Variants in CDKAL1 observed in about 807,000 individuals in gnomAD.
CDKAL1 encodes CDKAL1 threonylcarbamoyladenosine tRNA methylthiotransferase, also known as threonylcarbamoyladenosine tRNA methylthiotransferase.
Under a neutral mutation model 68.2 loss-of-function variants are expected in CDKAL1, and 32 were observed. The observed-to-expected ratio is 0.47, with a 90% CI of 0.35 to 0.63. The LOEUF (loss-of-function observed/expected upper bound fraction) is 0.63, where lower values mean the gene tolerates loss of function less well. CDKAL1 is among the 30% of genes least tolerant of loss of function. The pLI is 0.00. For missense variants in CDKAL1, 606 were observed against 696.7 expected, an observed-to-expected ratio of 0.87 and a Z score of 1.47; for synonymous variants, 234 against 244.3, an observed-to-expected ratio of 0.96 and a Z score of 0.39.
intron 5 of CDKAL1, among the ~76,000 whole-genome samples, chr6:20,677,518 A>C (rs553430440): frequency 6.6e-6 from 1 of 152,152 alleles, no homozygotes; most frequent in South Asian, 2.1e-4. Context: ...TCCCAGGTTC[A>C]AGCGATTCTC....
intron 10 of CDKAL1, among the ~76,000 whole-genome samples, chr6:20,984,421 C>T (rs1424331243): frequency 1.3e-5 from 2 of 152,058 alleles, no homozygotes; most frequent in Non-Finnish European, 2.9e-5. Flanking sequence ...AGGGAGGTGC[C>T]CGAGACCCCT....
chr6:20,892,262 A>G (rs1048549673), intron 9 of CDKAL1, among the ~76,000 whole-genome samples: 1 of 152,184 alleles, frequency 6.6e-6, no homozygotes, highest in Non-Finnish European at 1.5e-5. Context: ...GAGAGACTGA[A>G]GTGGGGACTC....
At chr6:21,185,630 C>T (rs995690607) in intron 13 of CDKAL1, among the ~76,000 whole-genome samples, 7 of 152,086 alleles carry the variant, frequency 4.6e-5, no homozygotes, top group African/African-American at 7.2e-5. Context: ...GATGTGTCTA[C>T]GTATCTATGT....
At chr6:20,999,663 T>TAAAAAAAAAAAAAA (rs36078234) in intron 10 of CDKAL1, among the ~76,000 whole-genome samples, 22 of 93,368 alleles carry the variant, frequency 2.4e-4, no homozygotes, top group South Asian at 1.2e-3. Context: ...TGACTGAAAT[T>TAAAAAAAAAAAAAA]AAAAAAAAAA....
intron 15 of CDKAL1, among the ~76,000 whole-genome samples, chr6:21,216,897 G>A (rs1000710938): frequency 5.9e-5 from 9 of 152,144 alleles, no homozygotes; most frequent in Non-Finnish European, 1.3e-4. Context: ...ACCTAGGAGT[G>A]GCATTGCTGG....
chr6:21,065,416 A>G (rs894731173), intron 12 of CDKAL1, among the ~76,000 whole-genome samples, 188 bp downstream of exon 12: 2 of 152,100 alleles, frequency 1.3e-5, no homozygotes, highest in African/African-American at 4.8e-5. Context: ...ACTAAAATAT[A>G]ATCACCTTTT....
rs910793149 is a variant in CDKAL1 at position 21,210,604 on chromosome 6, G to A, written c.1548+9330G>A. ...TTTATGGCATTTTGTTACAGTCACC[G>A]AAACGAACTAAGACAGTATGTACAT... On this transcript the variant is annotated intron_variant, in intron 15 of 15. Coordinates refer to ENST00000274695, the MANE Select transcript of CDKAL1 (RefSeq NM_017774.3). 3.9e-5 allele frequency among the ~76,000 whole-genome samples: 6 copies of A among 152,270 alleles called. No individual in the cohort carries two copies. In the East Asian group the frequency reaches 5.8e-4, roughly 15 times the overall value.
intron 13 of CDKAL1, among the ~76,000 whole-genome samples, chr6:21,141,545 T>C (rs1775909412): frequency 6.6e-6 from 1 of 152,230 alleles, no homozygotes; most frequent in Non-Finnish European, 1.5e-5. Flanking sequence ...AATTTTTGAA[T>C]GAATGACTCA....
chr6:21,141,340 T>G (rs1775899650), intron 13 of CDKAL1, among the ~76,000 whole-genome samples: 1 of 152,224 alleles, frequency 6.6e-6, no homozygotes, highest in Non-Finnish European at 1.5e-5. Context: ...CCTTTGCTTC[T>G]TACAAACCCA....
At chr6:20,931,402 G>T (rs1295366952) in intron 9 of CDKAL1, among the ~76,000 whole-genome samples, 1 of 152,204 alleles carries the variant, frequency 6.6e-6, no homozygotes, top group East Asian at 1.9e-4. Flanking sequence ...AGACATAGGA[G>T]ATATTAATGT....
chr6:20,862,169 A>T (rs1284205589), intron 9 of CDKAL1, among the ~76,000 whole-genome samples: 1 of 152,252 alleles, frequency 6.6e-6, no homozygotes, highest in Non-Finnish European at 1.5e-5. Flanking sequence ...AATTACTGGC[A>T]TATCACCAGG....
chr6:21,157,301 T>G (rs1465263085), intron 13 of CDKAL1, among the ~76,000 whole-genome samples: 1 of 152,208 alleles, frequency 6.6e-6, no homozygotes, highest in African/African-American at 2.4e-5. Context: ...TACTTATTGT[T>G]CTCAAGATTG....
Position 21,109,815 on chromosome 6 carries a change from TAAC to T in CDKAL1, c.1299+1364_1299+1366del, listed in dbSNP as rs1351357573. Reference sequence around the variant, plus strand: ...TGCAGCAGTGGCTAAAGTTAACATTTAACAACAACAACAAAAAAGGCGATGGCA... The same window carrying T: ...TGCAGCAGTGGCTAAAGTTAACATTTAACAACAACAAAAAAGGCGATGGCA... On this transcript the variant is annotated intron_variant, in intron 13 of 15. Coordinates refer to ENST00000274695, the MANE Select transcript of CDKAL1 (RefSeq NM_017774.3). 8.5e-5 allele frequency among the ~76,000 whole-genome samples: 13 copies of T among 152,262 alleles called. 1 individual carries two copies. Among genetic ancestry groups the T allele is most frequent in the Non-Finnish European group, 1.6e-4 (11 of 68,016 alleles).
chr6:21,003,816 A>G (rs1199546329), intron 11 of CDKAL1, among the ~76,000 whole-genome samples: 6 of 152,166 alleles, frequency 3.9e-5, no homozygotes, highest in Non-Finnish European at 8.8e-5. Flanking sequence ...GCCTAACACT[A>G]TCATGTTGCC....
In CDKAL1 at chr6:21,113,898, C is replaced by T. The variant is rs1399502767; in HGVS notation, c.1299+5435C>T. ...CAGGCTGCAGTGAGCCATAATTGCA[C>T]CACTGCTCTCCAGCCTGGGCAACAG... is the stretch of plus-strand genomic sequence containing the variant. On this transcript the variant is annotated intron_variant, in intron 13 of 15. Coordinates refer to ENST00000274695, the MANE Select transcript of CDKAL1 (RefSeq NM_017774.3). 2.0e-5 allele frequency among the ~76,000 whole-genome samples: 3 copies of T among 151,960 alleles called. No homozygotes were observed. In the East Asian group the frequency reaches 5.8e-4, roughly 29 times the overall value.
intron 4 of CDKAL1, among the ~76,000 whole-genome samples, chr6:20,555,813 G>A (rs1161513018): frequency 5.3e-5 from 8 of 151,296 alleles, no homozygotes; most frequent in Non-Finnish European, 1.0e-4. Context: ...TAGTAGAGAC[G>A]GGGTTTCACT....
chr6:20,761,024 TATCCAAA>T (rs957023360), intron 7 of CDKAL1, among the ~76,000 whole-genome samples: 5 of 152,274 alleles, frequency 3.3e-5, no homozygotes, highest in African/African-American at 9.6e-5. Context: ...AAAGGGCTAT[TATCCAAA>T]ATATATGAAG....
intron 4 of CDKAL1, among the ~76,000 whole-genome samples, chr6:20,562,204 A>T (rs1441365155): frequency 6.6e-6 from 1 of 152,128 alleles, no homozygotes; most frequent in Non-Finnish European, 1.5e-5. Flanking sequence ...ACGGTTGGTA[A>T]AGAGGCATAT....
At chr6:20,880,395 A>G (rs1428285189) in intron 9 of CDKAL1, among the ~76,000 whole-genome samples, 1 of 152,034 alleles carries the variant, frequency 6.6e-6, no homozygotes, top group African/African-American at 2.4e-5. Context: ...AGCTGGGACT[A>G]CAGGCACGCA....
Sources: allele counts gnomAD v4.1 joint callset (sites outside exome capture counted in the v4.1 genomes callset), GRCh38; gene constraint gnomAD v4.1.1; transcripts MANE v1.5; gene names NCBI Gene and HGNC (gene_info 2026-07-23, HGNC 2026-07-21).